Variants in NRG3 observed in about 807,000 individuals in gnomAD.
NRG3 encodes the protein pro-neuregulin-3, membrane-bound isoform.
Under a neutral mutation model 66.9 loss-of-function variants are expected in NRG3, and 31 were observed. The ratio of observed to expected loss-of-function variants is 0.46; its 90% CI spans 0.35 to 0.63. The LOEUF is 0.63. NRG3 is among the 20% of genes least tolerant of loss of function. The probability of loss-of-function intolerance (pLI) is 0.00; values close to 1 mark genes in which losing one functional copy is unlikely to be tolerated. For missense variants in NRG3, 910 were observed against 878.9 expected (o/e 1.04, Z -0.45); for synonymous variants, 393 against 359.4 (o/e 1.09, Z -1.06).
At chr10:82,424,884 TA>T (rs1265495538) in intron 2 of NRG3, among the ~76,000 whole-genome samples, 5 of 151,358 alleles carry the variant, frequency 3.3e-5, no homozygotes, top group Non-Finnish European at 3.0e-5. Context: ...GCAGTTTATT[TA>T]AAAAAAAATT....
At chr10:82,016,343 C>CA (rs2061786194) in intron 1 of NRG3, among the ~76,000 whole-genome samples, 1 of 151,920 alleles carries the variant, frequency 6.6e-6, no homozygotes, top group African/African-American at 2.4e-5. Flanking sequence ...TAAGAGTCTA[C>CA]TTGAAAGATG....
chr10:82,822,475 G>T (rs773602297), intron 3 of NRG3, among the ~76,000 whole-genome samples: 1 of 152,098 alleles, frequency 6.6e-6, no homozygotes, highest in African/African-American at 2.4e-5. Context: ...TCTGGCTATT[G>T]CCAAGCTTGA....
chr10:82,681,248 C>T (rs1044193147), intron 2 of NRG3, among the ~76,000 whole-genome samples: 2 of 152,248 alleles, frequency 1.3e-5, no homozygotes, highest in East Asian at 3.9e-4. Context: ...GTTGACTGAA[C>T]AATTGACTGA....
intron 1 of NRG3, among the ~76,000 whole-genome samples, chr10:82,046,198 G>T (rs2063286665): frequency 2.0e-5 from 3 of 148,300 alleles, no homozygotes; most frequent in Non-Finnish European, 4.5e-5. Flanking sequence ...TCTTACCCAT[G>T]AGCATGGAAT....
At chr10:82,338,399 A>C (rs888485619) in intron 1 of NRG3, among the ~76,000 whole-genome samples, 1 of 152,220 alleles carries the variant, frequency 6.6e-6, no homozygotes, top group Non-Finnish European at 1.5e-5. Context: ...TGAGTATATT[A>C]GCCACCTAGA....
chr10:81,924,354 A>G (rs1414200299), intron 1 of NRG3, among the ~76,000 whole-genome samples: 2 of 152,234 alleles, frequency 1.3e-5, no homozygotes, highest in Non-Finnish European at 2.9e-5. Context: ...GTTACACCAC[A>G]ATGTAAATAA....
At position 82,752,348 on chromosome 10, in the gene NRG3, G is replaced by A. The variant is rs115699341; in HGVS notation, c.1027+13698G>A. Among the ~76,000 whole-genome samples, 747 of 152,150 alleles carry A rather than the reference G, an allele frequency of 4.9e-3. 4 individuals carry two copies. The highest frequency in any genetic ancestry group is 0.017 in the African/African-American group (715 of 41,534). ...TCTTCTGTGATAGGCAATCAATGCC[G>A]TTAATTCCTTGTAAATCTTTGTAAA... On this transcript the variant is annotated intron_variant, in intron 3 of 8. Transcript: ENST00000372141.
intron 1 of NRG3, among the ~76,000 whole-genome samples, chr10:82,016,007 A>G (rs2061771189): frequency 6.6e-6 from 1 of 150,438 alleles, no homozygotes; most frequent in Admixed American, 6.7e-5. Context: ...ATGCAGGCAA[A>G]CTAGATACCT....
chr10:82,691,943 T>C (rs2054962708), intron 2 of NRG3, among the ~76,000 whole-genome samples: 1 of 152,166 alleles, frequency 6.6e-6, no homozygotes, highest in Non-Finnish European at 1.5e-5. Context: ...CCTGGTAATT[T>C]GTGTTTTTTG....
At chr10:81,974,796 C>G (rs552094944) in intron 1 of NRG3, among the ~76,000 whole-genome samples, 1 of 152,136 alleles carries the variant, frequency 6.6e-6, no homozygotes, top group African/African-American at 2.4e-5. Context: ...TGAGAACTAA[C>G]TCTAAGTTCC....
intron 2 of NRG3, among the ~76,000 whole-genome samples, chr10:82,695,216 C>T (rs372603811): frequency 4.6e-5 from 7 of 152,028 alleles, no homozygotes; most frequent in East Asian, 3.9e-4. Flanking sequence ...ATATATTTAA[C>T]GTAATTCTAC....
chr10:81,977,627 T>C (rs2060173868), intron 1 of NRG3, among the ~76,000 whole-genome samples: 1 of 152,218 alleles, frequency 6.6e-6, no homozygotes, highest in Admixed American at 6.5e-5. Context: ...ATACTCTTTG[T>C]CATTAATTAA....
rs1853363223 is a variant in NRG3, at chr10:82,985,482, A to G, written c.1968A>G (p.Glu656=). The change falls in exon 9 of 9, where the codon GAA becomes GAG. Residue 656 remains glutamate (E), a synonymous_variant. Transcript: ENST00000372141. The part of the protein sequence containing the change: ...RSEDYELASV[E]TEDSASENTA... The stretch of plus-strand genomic sequence containing the variant: ...AAGACTACGAACTGGCCAGCGTAGA[A>G]ACCGAGGACAGTGCAAGCGAAAACA... 1.2e-6 allele frequency: 2 copies of G among 1,613,968 alleles called. No individual in the cohort carries two copies. The highest frequency in any genetic ancestry group is 2.7e-5 in the African/African-American group (2 of 74,904).
rs182480623 is a variant in NRG3, at chr10:81,878,262, G to A, written c.823+2099G>A. On this transcript the variant is annotated intron_variant, in intron 1 of 8. Coordinates refer to ENST00000372141, the MANE Select transcript of NRG3 (RefSeq NM_001010848.4). ...CATAGACATATAAGCAGTATTTGTT[G>A]TATTTGTATCTTAGTTTCAGCTCTT... 7.9e-4 allele frequency among the ~76,000 whole-genome samples: 120 copies of A among 152,250 alleles called. No individual in the cohort carries two copies. In the East Asian group the frequency reaches 0.019, roughly 24 times the overall value.
At chr10:82,103,897 G>A (rs971296743) in intron 1 of NRG3, among the ~76,000 whole-genome samples, 4 of 151,464 alleles carry the variant, frequency 2.6e-5, no homozygotes, top group African/African-American at 9.7e-5. Flanking sequence ...AAATAAATAA[G>A]TAGGGATTCC....
At chr10:82,458,998 A>C (rs1434979475) in intron 2 of NRG3, among the ~76,000 whole-genome samples, 1 of 152,150 alleles carries the variant, frequency 6.6e-6, no homozygotes, top group Admixed American at 6.6e-5. Flanking sequence ...AGTTTCTCTT[A>C]GATTGATACA....
chr10:82,913,296 C>T (rs1362298344), intron 4 of NRG3, among the ~76,000 whole-genome samples: 1 of 152,106 alleles, frequency 6.6e-6, no homozygotes, highest in Non-Finnish European at 1.5e-5. Context: ...ATTCATTTCA[C>T]TTATTCATAA....
At chr10:81,918,223 AT>A (rs1028415096) in intron 1 of NRG3, among the ~76,000 whole-genome samples, 3 of 152,148 alleles carry the variant, frequency 2.0e-5, no homozygotes, top group Admixed American at 2.0e-4. Context: ...TCCCCATCTT[AT>A]TCCAGAAAGG....
At chr10:81,906,208 T>TATC (rs57012883) in intron 1 of NRG3, among the ~76,000 whole-genome samples, 2,367 of 151,652 alleles carry the variant, frequency 0.016, 15 homozygotes, top group African/African-American at 0.024. Flanking sequence ...CTGCTGTTCT[T>TATC]ATCATCATCA....
Sources: gnomAD v4.1 joint callset for allele counts (sites outside exome capture counted in the v4.1 genomes callset) on GRCh38, gnomAD v4.1.1 for gene constraint, MANE v1.5 for transcripts, NCBI Gene and HGNC (gene_info 2026-07-23, HGNC 2026-07-21) for gene names.